The following DCC variants were observed in gnomAD, a reference collection of about 807,000 sequenced individuals.
DCC encodes netrin receptor DCC.
DCC carries 58 observed loss-of-function variants against 172.5 expected under a neutral mutation model. The observed-to-expected ratio is 0.34, with a 90% confidence interval of 0.27 to 0.42. DCC has a LOEUF of 0.42. DCC is among the 10% of genes least tolerant of loss of function. DCC has a pLI of 1.00. For synonymous variants in DCC, 709 were observed against 644.5 expected (o/e 1.10, Z -1.52); for missense variants, 1,740 against 1,791.0 (o/e 0.97, Z 0.51).
intron 5 of DCC, among the ~76,000 whole-genome samples, chr18:53,022,333 G>A (rs1281532247): frequency 6.6e-6 from 1 of 152,006 alleles, no homozygotes; most frequent in Non-Finnish European, 1.5e-5. Context: ...GTGGAGTTGG[G>A]CCGGTTGTGT....
At chr18:53,172,344 G>A (rs1014130381) in intron 8 of DCC, among the ~76,000 whole-genome samples, 2 of 149,966 alleles carry the variant, frequency 1.3e-5, no homozygotes, top group African/African-American at 5.1e-5. Context: ...GAGGGCAAGG[G>A]TTGAAAAACT....
At chr18:52,718,879 A>G (rs2036430600) in intron 1 of DCC, among the ~76,000 whole-genome samples, 2 of 152,166 alleles carry the variant, frequency 1.3e-5, no homozygotes, top group African/African-American at 4.8e-5. Flanking sequence ...GGACACTTGT[A>G]TTGGTCTTTT....
chr18:53,011,275 A>G (rs1236246728), intron 5 of DCC, among the ~76,000 whole-genome samples: 1 of 151,656 alleles, frequency 6.6e-6, no homozygotes, highest in East Asian at 1.9e-4. Context: ...AAAATATTCT[A>G]TTTGGAAAAA....
intron 12 of DCC, among the ~76,000 whole-genome samples, chr18:53,236,162 C>G (rs1043876551): frequency 3.8e-4 from 58 of 152,222 alleles, no homozygotes; most frequent in African/African-American, 1.4e-3. Flanking sequence ...AATAATTTTC[C>G]TAAATGATTA....
chr18:52,502,547 A>G (rs1163469390), intron 1 of DCC, among the ~76,000 whole-genome samples: 1 of 152,202 alleles, frequency 6.6e-6, no homozygotes, highest in Admixed American at 6.5e-5. Context: ...ATGATAAGAT[A>G]TACTGGGCCA....
chr18:53,504,501 A>G (rs1409150376), intron 27 of DCC, among the ~76,000 whole-genome samples: 1 of 152,220 alleles, frequency 6.6e-6, no homozygotes. Context: ...ATCTCATGTG[A>G]AAGCTATCGG....
At chr18:53,026,822 C>T (rs574621468) in intron 5 of DCC, among the ~76,000 whole-genome samples, 2 of 152,194 alleles carry the variant, frequency 1.3e-5, no homozygotes, top group South Asian at 2.1e-4. Flanking sequence ...CTTGACCTCT[C>T]AAAATGCTGG....
intron 27 of DCC, among the ~76,000 whole-genome samples, chr18:53,502,432 A>G (rs1317852486): frequency 6.6e-6 from 1 of 152,200 alleles, no homozygotes; most frequent in Non-Finnish European, 1.5e-5. Context: ...TAAAAGGGCT[A>G]ATGTTTACTT....
chr18:52,770,293 C>T lies in DCC; in HGVS notation c.412+17919C>T, dbSNP rs77861829. 1.6e-3 allele frequency among the ~76,000 whole-genome samples: 239 copies of T among 152,194 alleles called. No individual in the cohort carries two copies. In the East Asian group the frequency reaches 0.021, roughly 13 times the overall value. ...CAAGTCTTGGACTATGGAGTAATTT[C>T]GTGGAAATCCTAAACGCAGCTGCCT... On this transcript the variant is annotated intron_variant, in intron 2 of 28. Transcript: ENST00000442544.
chr18:52,606,026 C>T (rs186818958), intron 1 of DCC, among the ~76,000 whole-genome samples: 21 of 152,166 alleles, frequency 1.4e-4, no homozygotes, highest in Admixed American at 1.3e-3. Context: ...CCCTAAGTTT[C>T]ACTATCCAGT....
intron 7 of DCC, among the ~76,000 whole-genome samples, chr18:53,141,988 C>T (rs936268467): frequency 4.6e-5 from 7 of 152,212 alleles, no homozygotes; most frequent in African/African-American, 1.7e-4. Flanking sequence ...TAGGCTCTGC[C>T]TAAGTGCAAG....
chr18:53,276,853 C>T (rs2056812025), intron 12 of DCC, among the ~76,000 whole-genome samples: 1 of 152,062 alleles, frequency 6.6e-6, no homozygotes, highest in South Asian at 2.1e-4. Flanking sequence ...AGAAATTTTA[C>T]TATGGAACTT....
chr18:52,411,866 T>C (rs150933542), intron 1 of DCC, among the ~76,000 whole-genome samples: 3 of 152,296 alleles, frequency 2.0e-5, no homozygotes, highest in South Asian at 2.1e-4. Flanking sequence ...AACCTCATTG[T>C]CAAGCCACAA....
chr18:52,351,744 G>T (rs1286113438), intron 1 of DCC, among the ~76,000 whole-genome samples: 4 of 151,922 alleles, frequency 2.6e-5, no homozygotes, highest in Admixed American at 2.0e-4. Context: ...AATTTTTTTT[G>T]GAGTTTTTAT....
chr18:53,111,108 A>G (rs1216712124), intron 7 of DCC, among the ~76,000 whole-genome samples: 3 of 150,482 alleles, frequency 2.0e-5, no homozygotes, highest in African/African-American at 7.3e-5. Context: ...AGGGACATGG[A>G]TGAAATTGGA....
chr18:53,458,939 AC>A (rs1400699206), intron 23 of DCC, among the ~76,000 whole-genome samples: 2 of 152,058 alleles, frequency 1.3e-5, no homozygotes, highest in African/African-American at 4.8e-5. Flanking sequence ...GTTCCATCTA[AC>A]CCATTTTCAC....
chr18:53,469,820 T>G (rs1481240249), intron 25 of DCC, among the ~76,000 whole-genome samples: 1 of 152,212 alleles, frequency 6.6e-6, no homozygotes, highest in Admixed American at 6.5e-5. Flanking sequence ...TAAGCTTTCT[T>G]ATTAGTTTTA....
chr18:52,448,020 G>A (rs1477505305), intron 1 of DCC, among the ~76,000 whole-genome samples: 2 of 152,142 alleles, frequency 1.3e-5, no homozygotes, highest in Admixed American at 6.5e-5. Context: ...AGATATTCTA[G>A]TCCAGGGGTC....
intron 1 of DCC, among the ~76,000 whole-genome samples, chr18:52,361,995 TTC>T (rs768907888): frequency 3.3e-5 from 5 of 152,336 alleles, no homozygotes; most frequent in Non-Finnish European, 7.3e-5. Flanking sequence ...ATGACACACA[TTC>T]TCATCCATAC....
Sources: allele counts gnomAD v4.1 joint callset (sites outside exome capture counted in the v4.1 genomes callset), GRCh38; gene constraint gnomAD v4.1.1; transcripts MANE v1.5; gene names NCBI Gene and HGNC (gene_info 2026-07-23, HGNC 2026-07-21).